The following TENM3 variants were observed in gnomAD, a reference collection of about 807,000 sequenced individuals.
TENM3 encodes the protein teneurin-3.
Under a neutral mutation model 255.1 loss-of-function variants are expected in TENM3, and 63 were observed. That is an observed-to-expected ratio of 0.25 (90% CI 0.20 to 0.30). The LOEUF (loss-of-function observed/expected upper bound fraction) is 0.30, where lower values mean the gene tolerates loss of function less well. TENM3 is among the 10% of genes least tolerant of loss of function. TENM3 has a pLI of 1.00. For missense variants in TENM3, 2,929 were observed against 3,461.1 expected, an observed-to-expected ratio of 0.85 and a Z score of 3.86; for synonymous variants, 1,306 against 1,322.3, an observed-to-expected ratio of 0.99 and a Z score of 0.27.
intron 1 of TENM3, among the ~76,000 whole-genome samples, chr4:182,211,255 A>G (rs1469870674): frequency 6.6e-6 from 1 of 152,238 alleles, no homozygotes; most frequent in Non-Finnish European, 1.5e-5. Context: ...CACGAGAAGG[A>G]TAAATGCATT....
At chr4:181,926,436 A>G in the TENM3 span, among the ~76,000 whole-genome samples, 2 of 152,296 alleles carry the variant, frequency 1.3e-5, no homozygotes, top group African/African-American at 2.4e-5. Flanking sequence ...CAGCAACCCA[A>G]AGAACCTTGT....
At chr4:181,717,809 C>T in the TENM3 span, among the ~76,000 whole-genome samples, 2 of 151,970 alleles carry the variant, frequency 1.3e-5, no homozygotes, top group East Asian at 1.9e-4. Flanking sequence ...CCAATTCAAT[C>T]GTATTTAAAA....
the TENM3 span, among the ~76,000 whole-genome samples, chr4:181,927,708 A>G: frequency 4.6e-5 from 7 of 151,644 alleles, 1 homozygote; most frequent in Non-Finnish European, 1.0e-4. Context: ...TGGGTCCCTG[A>G]CCCCCATGCC....
At chr4:182,030,293 C>G in the TENM3 span, among the ~76,000 whole-genome samples, 1 of 151,676 alleles carries the variant, frequency 6.6e-6, no homozygotes, top group Non-Finnish European at 1.5e-5. Flanking sequence ...TTCATGTGTT[C>G]TCATTGTTCA....
chr4:182,132,772 T>A, the TENM3 span, among the ~76,000 whole-genome samples: 1 of 152,214 alleles, frequency 6.6e-6, no homozygotes, highest in Non-Finnish European at 1.5e-5. Flanking sequence ...TGGGTGTGAC[T>A]AACATGATCA....
At chr4:182,376,935 T>A (rs1159588860) in intron 3 of TENM3, among the ~76,000 whole-genome samples, 1 of 152,170 alleles carries the variant, frequency 6.6e-6, no homozygotes, top group Non-Finnish European at 1.5e-5. Context: ...AAAATCTTTG[T>A]TTTTGTTGGC....
the TENM3 span, among the ~76,000 whole-genome samples, chr4:181,802,920 G>A: frequency 2.6e-5 from 4 of 152,180 alleles, no homozygotes; most frequent in East Asian, 7.7e-4. Context: ...CATTTGGGGG[G>A]TTTTATTTTT....
At chr4:182,672,739 T>A (rs557143193) in intron 6 of TENM3, among the ~76,000 whole-genome samples, 1 of 152,324 alleles carries the variant, frequency 6.6e-6, no homozygotes, top group Admixed American at 6.5e-5. Flanking sequence ...ACTGTAGGTG[T>A]GAAAACAGCT....
At chr4:182,363,700 A>G (rs1766199728) in intron 3 of TENM3, among the ~76,000 whole-genome samples, 1 of 152,294 alleles carries the variant, frequency 6.6e-6, no homozygotes, top group East Asian at 1.9e-4. Context: ...GGCCTTTAAA[A>G]GCCAGAGTGA....
At chr4:182,467,790 A>G (rs2151431989) in intron 3 of TENM3, among the ~76,000 whole-genome samples, 1 of 152,284 alleles carries the variant, frequency 6.6e-6, no homozygotes, top group South Asian at 2.1e-4. Flanking sequence ...CTTTATGAAC[A>G]CGCACCCTGT....
the TENM3 span, among the ~76,000 whole-genome samples, chr4:181,462,654 T>C: frequency 1.2e-3 from 180 of 152,346 alleles, no homozygotes; most frequent in African/African-American, 3.8e-3. Flanking sequence ...TTTTGTTTGT[T>C]TGTTTCTTTG....
intron 6 of TENM3, among the ~76,000 whole-genome samples, chr4:182,654,823 A>G (rs1424326438): frequency 6.6e-6 from 1 of 152,082 alleles, no homozygotes; most frequent in Non-Finnish European, 1.5e-5. Flanking sequence ...ACATGTACCC[A>G]TTTACTGGGA....
chr4:182,524,422 C>T (rs1560871435), intron 3 of TENM3, among the ~76,000 whole-genome samples: 1 of 122,652 alleles, frequency 8.2e-6, no homozygotes, highest in Non-Finnish European at 1.6e-5. Flanking sequence ...AGTGCAGTGG[C>T]ATGACCACGG....
intron 6 of TENM3, among the ~76,000 whole-genome samples, chr4:182,665,677 C>T (rs984500991): frequency 1.6e-4 from 24 of 152,040 alleles, no homozygotes; most frequent in African/African-American, 3.6e-4. Flanking sequence ...GGGCGGATCA[C>T]GAGGTCAGGA....
the TENM3 span, among the ~76,000 whole-genome samples, chr4:181,961,683 T>TA: frequency 1.2e-4 from 19 of 152,116 alleles, no homozygotes; most frequent in Non-Finnish European, 2.5e-4. Context: ...CCTCCCAAGA[T>TA]AAAAAAATAT....
chr4:181,644,470 C>T, the TENM3 span, among the ~76,000 whole-genome samples: 1 of 151,978 alleles, frequency 6.6e-6, no homozygotes, highest in Non-Finnish European at 1.5e-5. Flanking sequence ...TTCACATGAG[C>T]CTCCTAAAGA....
chr4:182,133,876 G>C, the TENM3 span, among the ~76,000 whole-genome samples: 1 of 152,094 alleles, frequency 6.6e-6, no homozygotes, highest in South Asian at 2.1e-4. Context: ...ATTTAACCCA[G>C]GGCAATATTT....
chr4:181,498,447 C>T, the TENM3 span, among the ~76,000 whole-genome samples: 1 of 148,328 alleles, frequency 6.7e-6, no homozygotes, highest in African/African-American at 2.4e-5. Flanking sequence ...CATTTACACA[C>T]TCCCTGCTCC....
At chr4:182,145,060 C>G (rs931109557) in intron 1 of TENM3, 6 of 152,194 alleles carry the variant, frequency 3.9e-5, no homozygotes, top group Admixed American at 3.9e-4. Context: ...GAAGGCAGTC[C>G]GGAGGCTGGG....
Sources: gnomAD v4.1 joint callset for allele counts (sites outside exome capture counted in the v4.1 genomes callset) on GRCh38, gnomAD v4.1.1 for gene constraint, MANE v1.5 for transcripts, NCBI Gene and HGNC (gene_info 2026-07-23, HGNC 2026-07-21) for gene names.